The following TOM1L2 variants were observed in gnomAD, a reference collection of about 807,000 sequenced individuals.
The protein encoded by TOM1L2 is target of myb1 like 2 membrane trafficking protein, also known as TOM1-like protein 2.
A neutral mutation model predicts 67.9 loss-of-function variants in TOM1L2; 31 were observed. The observed-to-expected ratio is 0.46, with a 90% CI of 0.34 to 0.62. The LOEUF is 0.62. Among genes scored for constraint, TOM1L2 ranks in the 20% least tolerant of loss-of-function variants. The pLI is 0.01. For missense variants in TOM1L2, 606 were observed against 663.5 expected, an observed-to-expected ratio of 0.91 and a Z score of 0.95; for synonymous variants, 256 against 254.0, an observed-to-expected ratio of 1.01 and a Z score of -0.07.
intron 1 of TOM1L2, among the ~76,000 whole-genome samples, chr17:17,919,423 G>A (rs546288395): frequency 2.0e-5 from 3 of 152,262 alleles, no homozygotes; most frequent in African/African-American, 7.2e-5. Context: ...AAAACCCTGG[G>A]AGCTCTAGCT....
chr17:17,922,785 T>C (rs924076512), intron 1 of TOM1L2, among the ~76,000 whole-genome samples: 1 of 152,206 alleles, frequency 6.6e-6, no homozygotes, highest in Admixed American at 6.5e-5. Flanking sequence ...GTGTATTCTG[T>C]GGACTGCATC....
chr17:17,932,865 T>G (rs2040390340), intron 1 of TOM1L2, among the ~76,000 whole-genome samples: 1 of 152,216 alleles, frequency 6.6e-6, no homozygotes, highest in East Asian at 1.9e-4. Context: ...AGATTCTGTT[T>G]CAGTGCATCT....
chr17:17,845,680 G>A lies in TOM1L2; in HGVS notation c.*1955C>T, dbSNP rs2035608460. On this transcript the variant is annotated 3_prime_UTR_variant, in exon 15 of 15. Coordinates refer to ENST00000379504, the MANE Select transcript of TOM1L2 (RefSeq NM_001082968.2). ...CAACCCAAAGGCAGCCAAAGGGCTG[G>A]GGCCTCTGGGTGCACCTGGGCCATC... 6.6e-6 allele frequency: 1 copy of A among 152,252 alleles called. No homozygotes were observed. Among genetic ancestry groups the A allele is most frequent in the African/African-American group, 2.4e-5 (1 of 41,456 alleles). The allele number at this position is 152,252 out of a possible 1,614,324, so 9.4% of individuals were successfully genotyped here.
Position 17,869,414 on chromosome 17 carries a change from C to A in TOM1L2, c.837G>T (p.Val279=), listed in dbSNP as rs1377479078. 1.2e-6 allele frequency: 2 copies of A among 1,613,526 alleles called. No individual in the cohort carries two copies. The highest frequency in any genetic ancestry group is 2.7e-5 in the African/African-American group (2 of 74,864). The change falls in exon 8 of 15, where the codon GTG becomes GTT. Residue 279 remains valine (V), a synonymous_variant. Coordinates refer to ENST00000379504, the MANE Select transcript of TOM1L2 (RefSeq NM_001082968.2). ...QQRIVELISR[V]SNEEVTEELL... is the part of the protein sequence containing the mutation. ...GCTCCTCGGTGACCTCCTCATTGGA[C>A]ACGCGGGAGATGAGCTCCACGATGC...
At chr17:17,857,729 G>C (rs1598188968) in intron 12 of TOM1L2, 2 of 1,503,576 alleles carry the variant, frequency 1.3e-6, no homozygotes. Context: ...GGTAGGGGCT[G>C]GGGTGGACAG....
intron 1 of TOM1L2, among the ~76,000 whole-genome samples, chr17:17,947,573 C>T (rs183267086): frequency 6.1e-4 from 93 of 152,322 alleles, no homozygotes; most frequent in South Asian, 2.3e-3. Flanking sequence ...AGAAGCCAAA[C>T]CTGCAGCTTG....
chr17:17,869,410 T>G lies in TOM1L2; in HGVS notation c.841A>C (p.Asn281His), dbSNP rs1568111972. 1 of 1,613,620 alleles carries G rather than the reference T, an allele frequency of 6.2e-7. No homozygotes were observed. Among genetic ancestry groups the G allele is most frequent in the Non-Finnish European group, 8.5e-7 (1 of 1,180,020 alleles). ...AGCAGCTCCTCGGTGACCTCCTCATTGGACACGCGGGAGATGAGCTCCACG... is the reference window on the plus strand; with the variant it reads ...AGCAGCTCCTCGGTGACCTCCTCATGGGACACGCGGGAGATGAGCTCCACG... ...RIVELISRVS[N>H]EEVTEELLHV... Residue 281 changes from asparagine (N) to histidine (H), a missense_variant, in exon 8 of 15, where the codon AAT becomes CAT. Physicochemically the swap from Asn to His is moderately conservative, Grantham distance 68. Around this residue, in one of 2 missense-constraint regions of TOM1L2, gnomAD observed 543 missense variants for 554.0 expected, o/e 0.98. Transcript: ENST00000379504.
chr17:17,862,507 C>T (rs1205803205), intron 11 of TOM1L2: 4 of 502,184 alleles, frequency 8.0e-6, no homozygotes, highest in Non-Finnish European at 1.4e-5. Flanking sequence ...CCAATCAACC[C>T]CAAGGGCAGG....
At chr17:17,860,376 G>A (rs1335677806) in intron 12 of TOM1L2, among the ~76,000 whole-genome samples, 1 of 152,262 alleles carries the variant, frequency 6.6e-6, no homozygotes, top group Non-Finnish European at 1.5e-5. Flanking sequence ...AAGGCAGCCA[G>A]CTGGCTCTTC....
chr17:17,866,978 C>T, intron 8 of TOM1L2, 54 bp from the exon 9 acceptor site: 1 of 1,557,966 alleles, frequency 6.4e-7, no homozygotes, highest in Admixed American at 1.7e-5. Context: ...GTGATATGGC[C>T]CTGTGGGGTG....
intron 1 of TOM1L2, among the ~76,000 whole-genome samples, chr17:17,938,441 C>T (rs1382113323): frequency 6.6e-6 from 1 of 152,180 alleles, no homozygotes; most frequent in Non-Finnish European, 1.5e-5. Flanking sequence ...AGGCTGACAA[C>T]AGTCCCGCTC....
intron 1 of TOM1L2, among the ~76,000 whole-genome samples, chr17:17,910,375 G>C (rs1348075569): frequency 6.6e-6 from 1 of 152,150 alleles, no homozygotes; most frequent in African/African-American, 2.4e-5. Flanking sequence ...CCCAGCACTT[G>C]GCAGTAGTGC....
intron 7 of TOM1L2, among the ~76,000 whole-genome samples, chr17:17,870,306 A>G (rs1341295360): frequency 6.6e-6 from 1 of 152,098 alleles, no homozygotes; most frequent in Non-Finnish European, 1.5e-5. Context: ...GGCTTCCATG[A>G]GCCTTCCCTG....
chr17:17,860,990 T>C (rs1483938729), intron 12 of TOM1L2, among the ~76,000 whole-genome samples: 1 of 152,216 alleles, frequency 6.6e-6, no homozygotes, highest in Non-Finnish European at 1.5e-5. Flanking sequence ...GCTAGGCCAG[T>C]GACAAATGGC....
chr17:17,882,968 A>C, intron 5 of TOM1L2, 105 bp from the exon 6 acceptor site: 1 of 1,377,946 alleles, frequency 7.3e-7, no homozygotes. Flanking sequence ...TGCCCACGAA[A>C]GGCTCAAGGC....
chr17:17,960,949 A>G (rs2041653027), intron 1 of TOM1L2, among the ~76,000 whole-genome samples: 1 of 152,216 alleles, frequency 6.6e-6, no homozygotes, highest in African/African-American at 2.4e-5. Context: ...AACTGGACTT[A>G]AAACTTTTGT....
intron 1 of TOM1L2, among the ~76,000 whole-genome samples, chr17:17,928,075 T>C (rs1361672195): frequency 2.0e-5 from 3 of 152,268 alleles, no homozygotes; most frequent in South Asian, 2.1e-4. Flanking sequence ...GAATTGATAA[T>C]TGTAGAAGCT....
At chr17:17,854,987 T>C (rs2036187554) in intron 12 of TOM1L2, among the ~76,000 whole-genome samples, 2 of 152,182 alleles carry the variant, frequency 1.3e-5, no homozygotes, top group African/African-American at 4.8e-5. Context: ...AGGAATGCCC[T>C]CCAATAGAGA....
rs988830106 is a variant in TOM1L2 at position 17,844,707 on chromosome 17, A to T, written c.*2928T>A. The stretch of plus-strand genomic sequence containing the variant: ...CAAAGGCCCATGGTGCCAGGGGCCC[A>T]ACTGCACATAGCGCCATTCTCTGCC... On this transcript the variant is annotated 3_prime_UTR_variant, in exon 15 of 15. Coordinates refer to ENST00000379504, the MANE Select transcript of TOM1L2 (RefSeq NM_001082968.2). 43 of 152,264 alleles carry T rather than the reference A, an allele frequency of 2.8e-4. No homozygotes were observed. The highest frequency in any genetic ancestry group is 1.0e-3 in the African/African-American group (43 of 41,474). 9.4% of individuals were successfully genotyped at this position (152,264 alleles called of 1,614,324 possible).
Sources: gnomAD v4.1 joint callset for allele counts (sites outside exome capture counted in the v4.1 genomes callset) on GRCh38, gnomAD v4.1.1 for gene constraint, gnomAD v4.1.1 regional missense constraint, MANE v1.5 for transcripts, NCBI Gene and HGNC (gene_info 2026-07-23, HGNC 2026-07-21) for gene names.